RYR2: variants seen among roughly 807,000 people sequenced by gnomAD.
RYR2 encodes ryanodine receptor 2.
A neutral mutation model predicts 601.1 loss-of-function variants in RYR2; 227 were observed. The ratio of observed to expected loss-of-function variants is 0.38; its 90% CI spans 0.34 to 0.42. The LOEUF (loss-of-function observed/expected upper bound fraction) is 0.42, where lower values mean the gene tolerates loss of function less well. Among genes scored for constraint, RYR2 ranks in the 10% least tolerant of loss-of-function variants. The probability of loss-of-function intolerance (pLI) is 1.00; values close to 1 mark genes in which losing one functional copy is unlikely to be tolerated. For missense variants in RYR2, 4,646 were observed against 6,156.5 expected, an observed-to-expected ratio of 0.75 and a Z score of 8.21; for synonymous variants, 2,223 against 2,175.1, an observed-to-expected ratio of 1.02 and a Z score of -0.61.
chr1:237,274,900 T>TA (rs1690104932), intron 2 of RYR2, among the ~76,000 whole-genome samples: 2 of 152,028 alleles, frequency 1.3e-5, no homozygotes, highest in Non-Finnish European at 2.9e-5. Context: ...AGCCTAGGAG[T>TA]AATAGGCTAT....
chr1:237,709,869 T>G (rs1460088258), intron 70 of RYR2, among the ~76,000 whole-genome samples: 2 of 152,346 alleles, frequency 1.3e-5, no homozygotes, highest in South Asian at 4.1e-4. Flanking sequence ...TTCTCTTAAT[T>G]TGCAGTTCTC....
At chr1:237,827,735 G>A (rs1208465679) in intron 101 of RYR2, among the ~76,000 whole-genome samples, 2 of 151,424 alleles carry the variant, frequency 1.3e-5, no homozygotes, top group Non-Finnish European at 2.9e-5. Flanking sequence ...CCAGGAGATC[G>A]AGACCATCCT....
intron 71 of RYR2, among the ~76,000 whole-genome samples, chr1:237,713,455 G>A (rs1290744475): frequency 6.6e-6 from 1 of 152,090 alleles, no homozygotes; most frequent in Non-Finnish European, 1.5e-5. Flanking sequence ...GGAGTGCAGT[G>A]GTGCGATCTC....
chr1:237,389,043 T>C (rs1288542784), intron 10 of RYR2, among the ~76,000 whole-genome samples: 1 of 152,096 alleles, frequency 6.6e-6, no homozygotes, highest in East Asian at 1.9e-4. Context: ...GAGACCTGGG[T>C]ACTGGGTCTT....
chr1:237,148,275 G>A (rs2485582), intron 1 of RYR2, among the ~76,000 whole-genome samples: 62,733 of 151,464 alleles, frequency 0.41, 15,743 homozygotes, highest in Non-Finnish European at 0.55. Context: ...AACACCGCAT[G>A]TTCTCACTCA....
intron 62 of RYR2, among the ~76,000 whole-genome samples, chr1:237,683,709 A>C (rs1313400456): frequency 1.3e-5 from 2 of 152,214 alleles, no homozygotes; most frequent in African/African-American, 4.8e-5. Flanking sequence ...TAATTCATTA[A>C]TACTAAGAAG....
At chr1:237,370,003 T>C (rs1327427305) in intron 6 of RYR2, among the ~76,000 whole-genome samples, 1 of 152,104 alleles carries the variant, frequency 6.6e-6, no homozygotes, top group Non-Finnish European at 1.5e-5. Context: ...CAATATTAAT[T>C]GTACTCACCA....
intron 1 of RYR2, among the ~76,000 whole-genome samples, chr1:237,117,484 A>T (rs185160283): frequency 6.6e-6 from 1 of 152,172 alleles, no homozygotes; most frequent in Admixed American, 6.5e-5. Flanking sequence ...GTCTGCCTCA[A>T]TTGGGTATTT....
intron 1 of RYR2, among the ~76,000 whole-genome samples, chr1:237,227,091 T>C (rs144328515): frequency 6.6e-6 from 1 of 152,220 alleles, no homozygotes; most frequent in African/African-American, 2.4e-5. Context: ...TAGTGTATAA[T>C]GACAGTTATG....
At chr1:237,091,438 G>A (rs887060680) in intron 1 of RYR2, among the ~76,000 whole-genome samples, 29 of 114,426 alleles carry the variant, frequency 2.5e-4, no homozygotes, top group Non-Finnish European at 3.8e-4. Flanking sequence ...TGGGGGGGGC[G>A]GGGGGGGATA....
chr1:237,726,670 TGAATAA>T (rs1690222729), intron 75 of RYR2, among the ~76,000 whole-genome samples: 1 of 152,066 alleles, frequency 6.6e-6, no homozygotes, highest in African/African-American at 2.4e-5. Flanking sequence ...AATGGACATA[TGAATAA>T]GAATGAGGTA....
chr1:237,805,568 T>A (rs1432265511), intron 98 of RYR2, among the ~76,000 whole-genome samples: 5 of 102,174 alleles, frequency 4.9e-5, no homozygotes, highest in Admixed American at 4.1e-4. Flanking sequence ...GCGACAGAGC[T>A]AGACTCTGTC....
chr1:237,409,530 G>C (rs1704234761), intron 10 of RYR2, among the ~76,000 whole-genome samples: 1 of 151,930 alleles, frequency 6.6e-6, no homozygotes, highest in African/African-American at 2.4e-5. Flanking sequence ...TATCATACTT[G>C]TATTCAAACA....
At chr1:237,382,514 T>C (rs1701609717) in intron 8 of RYR2, among the ~76,000 whole-genome samples, 1 of 130,848 alleles carries the variant, frequency 7.6e-6, no homozygotes, top group Non-Finnish European at 1.6e-5. Flanking sequence ...CTCCTAATGT[T>C]ATCCCTCCCC....
intron 1 of RYR2, among the ~76,000 whole-genome samples, chr1:237,164,891 A>G (rs900173384): frequency 6.6e-6 from 1 of 152,122 alleles, no homozygotes. Flanking sequence ...ATTTAAAATC[A>G]TGAAATAATC....
chr1:237,461,066 T>G (rs1020948062), intron 16 of RYR2, among the ~76,000 whole-genome samples: 9 of 152,216 alleles, frequency 5.9e-5, no homozygotes, highest in African/African-American at 1.9e-4. Context: ...TGTTATGGAT[T>G]AGCCAATAGA....
At chr1:237,434,827 G>C (rs1707180611) in intron 12 of RYR2, among the ~76,000 whole-genome samples, 1 of 152,100 alleles carries the variant, frequency 6.6e-6, no homozygotes, top group African/African-American at 2.4e-5. Context: ...TCAGACTGGA[G>C]TGCAGTGGCA....
chr1:237,134,442 G>A (rs898441348), intron 1 of RYR2, among the ~76,000 whole-genome samples: 8 of 152,144 alleles, frequency 5.3e-5, no homozygotes, highest in African/African-American at 1.9e-4. Flanking sequence ...TTATATGGCA[G>A]CAGGCAAGAG....
At chr1:237,364,255 C>T in intron 4 of RYR2, 103 bp from the exon 5 acceptor site, 1 of 994,874 alleles carries the variant, frequency 1.0e-6, no homozygotes, top group Non-Finnish European at 1.5e-6. Flanking sequence ...TTACATAGCT[C>T]CATTTAGGAT....
Sources: allele counts gnomAD v4.1 joint callset (sites outside exome capture counted in the v4.1 genomes callset), GRCh38; gene constraint gnomAD v4.1.1; transcripts MANE v1.5; gene names NCBI Gene and HGNC (gene_info 2026-07-23, HGNC 2026-07-21).